IGFL2: variants seen among roughly 807,000 people sequenced by gnomAD.
The protein encoded by IGFL2 is IGF like family member 2.
A neutral mutation model predicts 13.9 loss-of-function variants in IGFL2; 7 were observed. The observed-to-expected ratio is 0.51, with a 90% CI of 0.29 to 0.95. IGFL2 has a LOEUF of 0.95. Ranked by LOEUF, IGFL2 falls within the 40% of genes least tolerant of loss-of-function variation. IGFL2 has a pLI of 0.08. For synonymous variants in IGFL2, 55 were observed against 55.8 expected, an observed-to-expected ratio of 0.99 and a Z score of 0.07; for missense variants, 138 against 147.8, an observed-to-expected ratio of 0.93 and a Z score of 0.34.
the IGFL2 span, among the ~76,000 whole-genome samples, chr19:46,103,572 C>T: frequency 7.9e-5 from 12 of 151,654 alleles, no homozygotes; most frequent in Non-Finnish European, 1.3e-4. Context: ...AGGAGATATC[C>T]GCTGTGATGG....
At chr19:46,087,586 C>T in the IGFL2 span, among the ~76,000 whole-genome samples, 2 of 152,210 alleles carry the variant, frequency 1.3e-5, no homozygotes, top group Non-Finnish European at 2.9e-5. Context: ...TGCACTGCGG[C>T]CATGCTACTG....
chr19:46,080,888 C>T, the IGFL2 span, among the ~76,000 whole-genome samples: 1 of 152,244 alleles, frequency 6.6e-6, no homozygotes, highest in East Asian at 1.9e-4. Flanking sequence ...GCTGTGCTTT[C>T]AGGACTGTGT....
the IGFL2 span, among the ~76,000 whole-genome samples, chr19:46,089,981 A>G: frequency 6.6e-6 from 1 of 152,028 alleles, no homozygotes; most frequent in East Asian, 1.9e-4. Flanking sequence ...AGTGACCCAA[A>G]CATTTGCTCT....
At chr19:46,094,034 ATTTTTTT>A in the IGFL2 span, among the ~76,000 whole-genome samples, 5 of 114,228 alleles carry the variant, frequency 4.4e-5, no homozygotes, top group Admixed American at 9.8e-5. Context: ...GCCTTGGAGG[ATTTTTTT>A]TTTTTTTTTT....
At chr19:46,143,126 A>G (rs1568419278), upstream of IGFL2, 2 of 152,396 alleles carry the variant, frequency 1.3e-5, no homozygotes, top group Non-Finnish European at 2.9e-5. Flanking sequence ...AGACAGCAAG[A>G]CCAATGCTTC....
chr19:46,126,871 C>G, the IGFL2 span, among the ~76,000 whole-genome samples: 4 of 152,100 alleles, frequency 2.6e-5, no homozygotes, highest in Non-Finnish European at 5.9e-5. Flanking sequence ...TGTCTGATAG[C>G]TATTGCAAGA....
the IGFL2 span, among the ~76,000 whole-genome samples, chr19:46,171,856 A>G: frequency 6.6e-6 from 1 of 152,340 alleles, no homozygotes; most frequent in African/African-American, 2.4e-5. Context: ...TTACCAAGTG[A>G]TAAGTTTTAT....
the IGFL2 span, among the ~76,000 whole-genome samples, chr19:46,091,484 A>G: frequency 6.6e-6 from 1 of 152,242 alleles, no homozygotes; most frequent in African/African-American, 2.4e-5. Context: ...TTATTCTGTT[A>G]GAAGAGACAC....
chr19:46,205,936 G>A, the IGFL2 span, among the ~76,000 whole-genome samples: 3 of 152,168 alleles, frequency 2.0e-5, no homozygotes, highest in Admixed American at 2.0e-4. Flanking sequence ...CACATGGTGT[G>A]CCCAGATGTG....
chr19:46,128,837 A>G, the IGFL2 span, among the ~76,000 whole-genome samples: 1 of 152,204 alleles, frequency 6.6e-6, no homozygotes, highest in African/African-American at 2.4e-5. Flanking sequence ...AGGTTTTGAT[A>G]TCAGGATGAT....
chr19:46,203,006 C>T, the IGFL2 span: 2 of 152,172 alleles, frequency 1.3e-5, no homozygotes, highest in African/African-American at 4.8e-5. Flanking sequence ...AGAGAGTCCA[C>T]CAACAGGCTT....
chr19:46,173,731 T>A, the IGFL2 span: 2 of 152,168 alleles, frequency 1.3e-5, no homozygotes, highest in Non-Finnish European at 2.9e-5. Context: ...ACATTGGGGA[T>A]CACACTTTAA....
At chr19:46,199,385 G>A in the IGFL2 span, among the ~76,000 whole-genome samples, 12 of 152,344 alleles carry the variant, frequency 7.9e-5, 1 homozygote, top group South Asian at 2.1e-3. Flanking sequence ...GGGCTCCAGT[G>A]CCGAAGACAG....
downstream of IGFL2, among the ~76,000 whole-genome samples, chr19:46,163,190 T>A (rs1276080722): frequency 6.6e-6 from 1 of 152,234 alleles, no homozygotes; most frequent in Non-Finnish European, 1.5e-5. Context: ...CACAATGCTC[T>A]GAAAGTGTGG....
At chr19:46,170,928 G>A in the IGFL2 span, among the ~76,000 whole-genome samples, 1 of 152,144 alleles carries the variant, frequency 6.6e-6, no homozygotes, top group African/African-American at 2.4e-5. Flanking sequence ...CCCTGACCTT[G>A]TGATCTCGCC....
the IGFL2 span, chr19:46,198,058 C>A: frequency 8.2e-6 from 1 of 122,568 alleles, no homozygotes; most frequent in Non-Finnish European, 1.6e-5. Context: ...TTCCTTCCTT[C>A]CTTTCCTTCC....
the IGFL2 span, chr19:46,112,121 C>G: frequency 1.3e-5 from 2 of 152,218 alleles, no homozygotes; most frequent in East Asian, 3.8e-4. Context: ...TGCCGAACAT[C>G]TGTGTGTCAG....
upstream of IGFL2, chr19:46,143,357 C>T (rs1268589413): frequency 6.6e-6 from 1 of 151,720 alleles, no homozygotes; most frequent in Non-Finnish European, 1.5e-5. Context: ...GGCTGCCCAT[C>T]AACAGTAGGC....
In IGFL2 at chr19:46,160,839, A is replaced by C. The variant is rs1227594583; in HGVS notation, c.299A>C (p.Asn100Thr). 2.5e-6 allele frequency: 4 copies of C among 1,613,808 alleles called. No homozygotes were observed. The Admixed American group carries it at 6.7e-5, about 27-fold the overall frequency. Residue 100 changes from asparagine (N) to threonine (T), a missense_variant, in exon 3 of 4, where the codon AAT (asparagine) becomes ACT (threonine). Physicochemically the swap from Asn to Thr is moderately conservative, Grantham distance 65. Transcript: ENST00000377693. ...GTGAAGCTGAAGGTTCAGGGTGTGA[A>C]TTCCCAGTGCCACTCATCTCCCATC... ...FVVKLKVQGV[N>T]SQCHSSPISS...
Sources: allele counts gnomAD v4.1 joint callset (sites outside exome capture counted in the v4.1 genomes callset), GRCh38; gene constraint gnomAD v4.1.1; transcripts MANE v1.5; gene names NCBI Gene and HGNC (gene_info 2026-07-23, HGNC 2026-07-21).